The following CARMIL1 variants were observed in gnomAD, a reference collection of about 807,000 sequenced individuals.
The protein encoded by CARMIL1 is F-actin-uncapping protein LRRC16A.
CARMIL1 carries 90 observed loss-of-function variants against 177.1 expected under a neutral mutation model. The observed-to-expected ratio is 0.51, with a 90% CI of 0.43 to 0.61. The LOEUF is 0.61. Among genes scored for constraint, CARMIL1 ranks in the 20% least tolerant of loss-of-function variants. The probability of loss-of-function intolerance (pLI) is 0.00; values close to 1 mark genes in which losing one functional copy is unlikely to be tolerated. For missense variants in CARMIL1, 1,380 were observed against 1,667.0 expected (o/e 0.83, Z 3.00); for synonymous variants, 577 against 606.2 (o/e 0.95, Z 0.71).
chr6:25,505,648 T>C (rs888844081), intron 17 of CARMIL1, among the ~76,000 whole-genome samples: 1 of 152,162 alleles, frequency 6.6e-6, no homozygotes, highest in African/African-American at 2.4e-5. Context: ...AGATGGGGTT[T>C]TACCATGTTG....
intron 28 of CARMIL1, among the ~76,000 whole-genome samples, chr6:25,555,963 T>G (rs543482978): frequency 7.2e-4 from 110 of 152,314 alleles, no homozygotes; most frequent in Middle Eastern, 6.8e-3. Flanking sequence ...ATTTTAACAT[T>G]AATACTGCTG....
At chr6:25,280,234 C>T (rs982294061) in intron 1 of CARMIL1, among the ~76,000 whole-genome samples, 6 of 136,210 alleles carry the variant, frequency 4.4e-5, no homozygotes, top group African/African-American at 2.2e-4. Context: ...TCGGGAAAGT[C>T]CGGGAAAGCC....
At chr6:25,280,577 G>A (rs1781006406) in intron 1 of CARMIL1, among the ~76,000 whole-genome samples, 1 of 149,406 alleles carries the variant, frequency 6.7e-6, no homozygotes, top group Non-Finnish European at 1.5e-5. Flanking sequence ...CATTGTTTGA[G>A]TACCTTGAGG....
At chr6:25,287,417 C>A (rs1316230404) in intron 2 of CARMIL1, 2 of 152,220 alleles carry the variant, frequency 1.3e-5, no homozygotes, top group Non-Finnish European at 2.9e-5. Context: ...GCTAATATTT[C>A]TAAAAATCTG....
chr6:25,453,161 A>G (rs1799155029), intron 8 of CARMIL1, among the ~76,000 whole-genome samples: 1 of 152,178 alleles, frequency 6.6e-6, no homozygotes, highest in African/African-American at 2.4e-5. Context: ...AGTTTTTTGA[A>G]GTACTTCAGA....
At chr6:25,370,703 C>T (rs943778640) in intron 2 of CARMIL1, among the ~76,000 whole-genome samples, 2 of 151,984 alleles carry the variant, frequency 1.3e-5, no homozygotes, top group African/African-American at 2.4e-5. Flanking sequence ...GTCTAAAGGA[C>T]CAACTGTAGG....
Position 25,495,151 on chromosome 6 carries a change from A to C in CARMIL1, c.1261A>C (p.Ser421Arg). 6.2e-7 allele frequency: 1 copy of C among 1,613,404 alleles called. No homozygotes were observed. The part of the protein sequence containing the change: ...EVPPSFKQFF[S>R]SSLALMHINL... ...ACCTCCATCTTTCAAGCAATTTTTT[A>C]GTAGTTCTCTGGCTTTGATGCACAT... Residue 421 changes from serine (S) to arginine (R), a missense_variant, in exon 16 of 37, where the codon AGT (serine) becomes CGT (arginine). Physicochemically the swap from Ser to Arg is moderately radical, Grantham distance 110. Transcript: ENST00000329474.
chr6:25,338,147 CT>C (rs1247248885), intron 2 of CARMIL1, among the ~76,000 whole-genome samples: 1 of 152,068 alleles, frequency 6.6e-6, no homozygotes, highest in Admixed American at 6.6e-5. Context: ...ATCCCAGCTA[CT>C]CGAGAGGCTG....
intron 2 of CARMIL1, among the ~76,000 whole-genome samples, chr6:25,308,760 G>A (rs1343624122): frequency 6.6e-6 from 1 of 151,974 alleles, no homozygotes; most frequent in Admixed American, 6.6e-5. Flanking sequence ...ATCATCAGGA[G>A]TATTGGATAT....
In CARMIL1 at chr6:25,326,762, G is replaced by A. The variant is rs561062317; in HGVS notation, c.138+41853G>A. On this transcript the variant is annotated intron_variant, in intron 2 of 36. Coordinates refer to ENST00000329474, the MANE Select transcript of CARMIL1 (RefSeq NM_017640.6). The surrounding 1 kb of genome is among the most constrained non-coding windows in gnomAD (Gnocchi z 4.2). ...GATTCTGGTGTATGTTTTGAAGGTA[G>A]GGATGATAGGACTTTTGTATATGGG... Among the ~76,000 whole-genome samples the A allele has an allele frequency of 2.0e-5, 3 of 152,190 alleles. No homozygotes were observed. The East Asian group carries it at 5.8e-4, about 29-fold the overall frequency.
chr6:25,506,213 A>T (rs964473245), intron 17 of CARMIL1, among the ~76,000 whole-genome samples: 5 of 152,222 alleles, frequency 3.3e-5, no homozygotes, highest in African/African-American at 1.2e-4. Context: ...GGATGCATGT[A>T]TGAAAGCAAT....
At chr6:25,438,708 G>T (rs1176667605) in intron 5 of CARMIL1, among the ~76,000 whole-genome samples, 1 of 152,212 alleles carries the variant, frequency 6.6e-6, no homozygotes, top group Non-Finnish European at 1.5e-5. Flanking sequence ...TGATTCAAGA[G>T]GGGGCTGGAA....
At chr6:25,335,992 A>G (rs371017524) in intron 2 of CARMIL1, among the ~76,000 whole-genome samples, 27 of 150,566 alleles carry the variant, frequency 1.8e-4, no homozygotes, top group East Asian at 7.7e-4. Context: ...TGCTGGCCCA[A>G]TGAAATAGTC....
At chr6:25,343,330 T>G (rs974903374) in intron 2 of CARMIL1, among the ~76,000 whole-genome samples, 34 of 151,982 alleles carry the variant, frequency 2.2e-4, no homozygotes, top group Non-Finnish European at 3.8e-4. Context: ...TTTTTTTTTT[T>G]TTGGACAAGC....
chr6:25,523,253 A>G (rs1562246879), intron 23 of CARMIL1, among the ~76,000 whole-genome samples: 1 of 152,160 alleles, frequency 6.6e-6, no homozygotes, highest in Non-Finnish European at 1.5e-5. Context: ...AAGTTACTCA[A>G]TTTTTTTGAA....
chr6:25,397,914 T>A (rs1405461797), intron 2 of CARMIL1, among the ~76,000 whole-genome samples: 1 of 152,202 alleles, frequency 6.6e-6, no homozygotes, highest in Non-Finnish European at 1.5e-5. Context: ...TTCATTCAAA[T>A]AGCACATGCT....
intron 29 of CARMIL1, among the ~76,000 whole-genome samples, chr6:25,567,804 A>G (rs886154282): frequency 6.6e-6 from 1 of 152,226 alleles, no homozygotes; most frequent in African/African-American, 2.4e-5. Context: ...GATTCTGTCT[A>G]AATTTCTAAT....
At chr6:25,463,979 C>T (rs1046147166) in intron 8 of CARMIL1, among the ~76,000 whole-genome samples, 1 of 151,698 alleles carries the variant, frequency 6.6e-6, no homozygotes, top group Non-Finnish European at 1.5e-5. Context: ...CCCGCCACTA[C>T]GCCCGGCTAA....
chr6:25,612,826 TCCA>T, intron 36 of CARMIL1: 1 of 985,242 alleles, frequency 1.0e-6, no homozygotes. Context: ...AAAACTGTAC[TCCA>T]CCATTGCAGA....
Sources: gnomAD v4.1 joint callset for allele counts (sites outside exome capture counted in the v4.1 genomes callset) on GRCh38, gnomAD v4.1.1 for gene constraint, Gnocchi (gnomAD v3.1) non-coding constraint, MANE v1.5 for transcripts, NCBI Gene and HGNC (gene_info 2026-07-23, HGNC 2026-07-21) for gene names.